CACHD1: variants seen among roughly 807,000 people sequenced by gnomAD.
The protein encoded by CACHD1 is cache domain containing 1.
Under a neutral mutation model 138.7 loss-of-function variants are expected in CACHD1, and 71 were observed. That is an observed-to-expected ratio of 0.51 (90% CI 0.42 to 0.62). The LOEUF is 0.62. Ranked by LOEUF, CACHD1 falls within the 20% of genes least tolerant of loss-of-function variation. The pLI is 0.00. For missense variants in CACHD1, 1,389 were observed against 1,625.3 expected (o/e 0.85, Z 2.50); for synonymous variants, 578 against 591.5 (o/e 0.98, Z 0.33).
intron 26 of CACHD1, among the ~76,000 whole-genome samples, chr1:64,684,363 C>CTTTTTTTTTTTTTTTTTTTTTTTTTTCTT (rs397980387): frequency 1.8e-5 from 1 of 54,982 alleles, no homozygotes; most frequent in Non-Finnish European, 3.5e-5. Flanking sequence ...TCTTCTTCTT[C>CTTTTTTTTTTTTTTTTTTTTTTTTTTCTT]TTTTTTTTTT....
intron 3 of CACHD1, among the ~76,000 whole-genome samples, chr1:64,586,225 G>A (rs779801714): frequency 6.6e-6 from 1 of 152,034 alleles, no homozygotes; most frequent in African/African-American, 2.4e-5. Context: ...CACCACGCCC[G>A]GCTAATTTTT....
chr1:64,572,657 C>G (rs1021507333), intron 2 of CACHD1, among the ~76,000 whole-genome samples: 1 of 152,158 alleles, frequency 6.6e-6, no homozygotes, highest in African/African-American at 2.4e-5. Flanking sequence ...TCAGCCTCCC[C>G]CTGTTCTCTG....
At chr1:64,574,012 A>C (rs1406410996) in intron 2 of CACHD1, among the ~76,000 whole-genome samples, 1 of 152,212 alleles carries the variant, frequency 6.6e-6, no homozygotes, top group African/African-American at 2.4e-5. Context: ...AGTGGAACAA[A>C]TGGTGAGTCC....
chr1:64,595,250 A>G (rs1647140404), intron 3 of CACHD1, among the ~76,000 whole-genome samples: 1 of 152,128 alleles, frequency 6.6e-6, no homozygotes, highest in Non-Finnish European at 1.5e-5. Flanking sequence ...CCCAATTTAC[A>G]GTCTCCGGTC....
At chr1:64,620,646 C>T (rs1250879398) in intron 4 of CACHD1, among the ~76,000 whole-genome samples, 2 of 152,176 alleles carry the variant, frequency 1.3e-5, no homozygotes, top group Admixed American at 6.5e-5. Context: ...CGTGTATACT[C>T]ATCATGATTT....
chr1:64,576,522 G>A (rs1347610514), intron 2 of CACHD1, among the ~76,000 whole-genome samples: 2 of 151,948 alleles, frequency 1.3e-5, no homozygotes, highest in Non-Finnish European at 2.9e-5. Context: ...CGATAGTGGA[G>A]CACAAGATGA....
intron 24 of CACHD1, 90 bp downstream of exon 24, chr1:64,679,846 C>A: frequency 7.2e-7 from 1 of 1,389,878 alleles, no homozygotes; most frequent in South Asian, 1.4e-5. Flanking sequence ...ACTGTCAGAA[C>A]AGTGCTATAC....
intron 3 of CACHD1, among the ~76,000 whole-genome samples, chr1:64,584,517 C>T (rs1332700728): frequency 1.3e-5 from 2 of 152,098 alleles, no homozygotes; most frequent in African/African-American, 4.8e-5. Context: ...CAACAATTGC[C>T]CTTTCTTCAT....
Position 64,632,659 on chromosome 1 carries a change from C to A in CACHD1, c.705C>A (p.His235Gln). The A allele has an allele frequency of 6.2e-7, 1 of 1,614,146 alleles. No individual in the cohort carries two copies. Among genetic ancestry groups the A allele is most frequent in the Non-Finnish European group, 8.5e-7 (1 of 1,180,012 alleles). Residue 235 changes from histidine to glutamine, a missense_variant, in exon 6 of 27, where the codon CAC becomes CAA. By Grantham distance (24) the His-to-Gln change is conservative (BLOSUM62 0). Transcript: ENST00000651257. Reference sequence around the variant, plus strand: ...AGCACATAGTAGTGATTCTGGACCACGGGGCTTCAGTCACAGACACTCAGC... The same window carrying A: ...AGCACATAGTAGTGATTCTGGACCAAGGGGCTTCAGTCACAGACACTCAGC... ...QSKHIVVILD[H>Q]GASVTDTQLQ...
intron 25 of CACHD1, among the ~76,000 whole-genome samples, chr1:64,681,541 GTT>G (rs57993424): frequency 1.6e-4 from 11 of 68,144 alleles, no homozygotes; most frequent in East Asian, 1.2e-3. Flanking sequence ...ATTTTATTGT[GTT>G]TTTTTTTTTT....
chr1:64,546,280 TG>T (rs1646717544), intron 1 of CACHD1, among the ~76,000 whole-genome samples: 1 of 152,100 alleles, frequency 6.6e-6, no homozygotes, highest in South Asian at 2.1e-4. Context: ...CCAAGAGGAC[TG>T]AAGGATCAGA....
intron 3 of CACHD1, among the ~76,000 whole-genome samples, chr1:64,596,445 T>C (rs182347498): frequency 1.3e-5 from 2 of 152,338 alleles, no homozygotes; most frequent in Admixed American, 1.3e-4. Context: ...GTTAGGCTGT[T>C]ACTAGGGCCC....
Position 64,634,026 on chromosome 1 carries a change from T to C in CACHD1, c.790-18T>C. 2 of 1,569,880 alleles carry C rather than the reference T, an allele frequency of 1.3e-6. No homozygotes were observed. The highest frequency in any genetic ancestry group is 1.7e-6 in the Non-Finnish European group (2 of 1,158,472). ...GGATAACAAGTTTGGTGGTTTTTTT[T>C]TTTTTTCTTTCCTGCAGATTTCTGT... On this transcript the variant is annotated intron_variant, in intron 6 of 26. Coordinates refer to ENST00000651257, the MANE Select transcript of CACHD1 (RefSeq NM_020925.4).
chr1:64,488,223 C>A (rs942534834), intron 1 of CACHD1, among the ~76,000 whole-genome samples: 3 of 152,018 alleles, frequency 2.0e-5, no homozygotes, highest in East Asian at 3.8e-4. Context: ...AAAATCTATT[C>A]GGGACAGTTA....
At chr1:64,523,897 G>T (rs1480415446) in intron 1 of CACHD1, among the ~76,000 whole-genome samples, 2 of 149,666 alleles carry the variant, frequency 1.3e-5, no homozygotes, top group African/African-American at 4.8e-5. Flanking sequence ...TTTTCTAATG[G>T]CTATGGACCT....
At chr1:64,582,345 T>C in intron 3 of CACHD1, 41 bp downstream of exon 3, 1 of 1,543,790 alleles carries the variant, frequency 6.5e-7, no homozygotes, top group Non-Finnish European at 8.9e-7. Context: ...AAACCAGACA[T>C]TGAATTGCTT....
chr1:64,681,188 A>T, intron 24 of CACHD1, 70 bp from the exon 25 acceptor site: 1 of 1,159,930 alleles, frequency 8.6e-7, no homozygotes, highest in Non-Finnish European at 1.3e-6. Flanking sequence ...ACAAGTGCTC[A>T]GCAGGGTATT....
At chr1:64,652,371 T>C (rs1298051166) in intron 10 of CACHD1, 61 bp downstream of exon 10, 1 of 1,422,412 alleles carries the variant, frequency 7.0e-7, no homozygotes, top group Non-Finnish European at 9.5e-7. Context: ...AAATAAGGTA[T>C]AGATATTCTA....
At position 64,492,868 on chromosome 1, in the gene CACHD1, A is replaced by ATGCC. The variant is rs576622418; in HGVS notation, c.198+21929_198+21932dup. ...CTCTGACATAGCCTTCTCTAGAAAG[A>ATGCC]TGCCTGTTTTCTTACACCTAAGCTT... On this transcript the variant is annotated intron_variant, in intron 1 of 26. Coordinates refer to ENST00000651257, the MANE Select transcript of CACHD1 (RefSeq NM_020925.4). 2.8e-3 allele frequency among the ~76,000 whole-genome samples: 431 copies of ATGCC among 152,334 alleles called. 4 individuals are homozygous for ATGCC. The highest frequency in any genetic ancestry group is 9.2e-3 in the African/African-American group (381 of 41,568).
Sources: gnomAD v4.1 joint callset for allele counts (sites outside exome capture counted in the v4.1 genomes callset) on GRCh38, gnomAD v4.1.1 for gene constraint, MANE v1.5 for transcripts, NCBI Gene and HGNC (gene_info 2026-07-23, HGNC 2026-07-21) for gene names.